The following KCTD8 variants were observed in gnomAD, a reference collection of about 807,000 sequenced individuals.
KCTD8 encodes the protein potassium channel tetramerization domain containing 8.
Under a neutral mutation model 31.5 loss-of-function variants are expected in KCTD8, and 27 were observed. The ratio of observed to expected loss-of-function variants is 0.86; its 90% CI spans 0.63 to 1.18. KCTD8 has a LOEUF of 1.18. KCTD8 is among the 50% of genes most tolerant of loss of function. KCTD8 has a pLI of 0.00. For missense variants in KCTD8, 658 were observed against 647.7 expected, an observed-to-expected ratio of 1.02 and a Z score of -0.17; for synonymous variants, 290 against 280.0, an observed-to-expected ratio of 1.04 and a Z score of -0.36.
intron 1 of KCTD8, among the ~76,000 whole-genome samples, chr4:44,226,107 C>T (rs71610096): frequency 2.0e-5 from 3 of 151,994 alleles, no homozygotes; most frequent in African/African-American, 7.2e-5. Flanking sequence ...GGATTACAGG[C>T]GTGAGCCACT....
At chr4:44,408,509 C>A (rs572439751) in intron 1 of KCTD8, among the ~76,000 whole-genome samples, 95 of 152,246 alleles carry the variant, frequency 6.2e-4, no homozygotes, top group Non-Finnish European at 1.1e-3. Context: ...AACAACATAT[C>A]AACAAATAGC....
chr4:44,290,019 G>A (rs950290912), intron 1 of KCTD8, among the ~76,000 whole-genome samples: 6 of 151,946 alleles, frequency 3.9e-5, no homozygotes, highest in Non-Finnish European at 8.8e-5. Flanking sequence ...GCATAGAGTG[G>A]GAAGTTGGAT....
intron 1 of KCTD8, among the ~76,000 whole-genome samples, chr4:44,406,175 G>A (rs183886030): frequency 1.3e-5 from 2 of 152,246 alleles, no homozygotes; most frequent in Admixed American, 6.5e-5. Context: ...AGTTTATGGT[G>A]GAAGAGGGAC....
chr4:44,269,892 C>T (rs1229431037), intron 1 of KCTD8, among the ~76,000 whole-genome samples: 1 of 152,116 alleles, frequency 6.6e-6, no homozygotes, highest in Non-Finnish European at 1.5e-5. Context: ...CAGGAAACAA[C>T]ACATGCTGGA....
At chr4:44,175,275 G>A (rs762117480) in intron 1 of KCTD8, 25 bp from the exon 2 acceptor site, 2 of 1,368,804 alleles carry the variant, frequency 1.5e-6, no homozygotes, top group South Asian at 1.4e-5. Context: ...AAAAAAAGAA[G>A]AAGAGTAGAA....
chr4:44,312,410 G>T (rs1717980500), intron 1 of KCTD8, among the ~76,000 whole-genome samples: 1 of 152,078 alleles, frequency 6.6e-6, no homozygotes, highest in Admixed American at 6.6e-5. Flanking sequence ...GTAAAATGAA[G>T]ACACGATTAA....
intron 1 of KCTD8, among the ~76,000 whole-genome samples, chr4:44,245,834 C>T (rs553779774): frequency 6.6e-6 from 1 of 151,990 alleles, no homozygotes; most frequent in East Asian, 1.9e-4. Flanking sequence ...ACTAAGATTC[C>T]TCCAGACAGA....
chr4:44,445,556 G>A (rs1008987978), intron 1 of KCTD8, among the ~76,000 whole-genome samples: 1 of 152,076 alleles, frequency 6.6e-6, no homozygotes. Context: ...TAAGTTTCCA[G>A]TTTCAATATA....
chr4:44,285,490 A>T (rs779117892), intron 1 of KCTD8, among the ~76,000 whole-genome samples: 45 of 152,074 alleles, frequency 3.0e-4, no homozygotes, highest in Non-Finnish European at 4.3e-4. Flanking sequence ...GGTGTAGGGG[A>T]GGGATAACAT....
At position 44,353,731 on chromosome 4, in the gene KCTD8, G is replaced by A. The variant is rs188623901; in HGVS notation, c.961+93832C>T. On this transcript the variant is annotated intron_variant, in intron 1 of 1. Coordinates refer to ENST00000360029, the MANE Select transcript of KCTD8 (RefSeq NM_198353.3). ...TATAATATTTGTCTTTCTGTGCCTGGCTTATATCACTTAACATTAGCATCT... is the reference window on the plus strand; with the variant it reads ...TATAATATTTGTCTTTCTGTGCCTGACTTATATCACTTAACATTAGCATCT... Among the ~76,000 whole-genome samples the A allele has an allele frequency of 1.3e-4, 20 of 151,972 alleles. No homozygotes were observed. In the East Asian group the frequency reaches 3.9e-3, roughly 29 times the overall value.
chr4:44,277,719 G>A (rs970192150), intron 1 of KCTD8, among the ~76,000 whole-genome samples: 12 of 151,690 alleles, frequency 7.9e-5, no homozygotes, highest in Non-Finnish European at 1.2e-4. Context: ...AACATTTTAC[G>A]TGCATCATTA....
At chr4:44,250,061 G>A (rs1715780920) in intron 1 of KCTD8, among the ~76,000 whole-genome samples, 1 of 151,644 alleles carries the variant, frequency 6.6e-6, no homozygotes. Context: ...CATCATTTGT[G>A]CTTTTTAAAA....
chr4:44,359,315 T>G (rs1387663703), intron 1 of KCTD8, among the ~76,000 whole-genome samples: 1 of 152,142 alleles, frequency 6.6e-6, no homozygotes, highest in Non-Finnish European at 1.5e-5. Context: ...TTCTATTAAC[T>G]GGCTTTCCCT....
chr4:44,250,053 T>C (rs922604967), intron 1 of KCTD8, among the ~76,000 whole-genome samples: 23 of 151,782 alleles, frequency 1.5e-4, no homozygotes, highest in African/African-American at 5.1e-4. Context: ...TCACTCAACA[T>C]CATTTGTGCT....
chr4:44,441,116 T>C (rs1270306015), intron 1 of KCTD8, among the ~76,000 whole-genome samples: 3 of 152,172 alleles, frequency 2.0e-5, no homozygotes, highest in African/African-American at 7.2e-5. Context: ...TCCATTATAC[T>C]TACAAATTAT....
chr4:44,253,763 T>C (rs1160571981), intron 1 of KCTD8, among the ~76,000 whole-genome samples: 1 of 151,856 alleles, frequency 6.6e-6, no homozygotes, highest in Non-Finnish European at 1.5e-5. Context: ...AATAACTATT[T>C]GGTCAAACTG....
Position 44,441,489 on chromosome 4 carries a change from C to T in KCTD8, c.961+6074G>A, listed in dbSNP as rs533052148. Among the ~76,000 whole-genome samples, 7 of 152,186 alleles carry T rather than the reference C, an allele frequency of 4.6e-5. No individual in the cohort carries two copies. The South Asian group carries it at 8.3e-4, about 18-fold the overall frequency. ...TTAAAATTTTGAGTTCACTCATATA[C>T]GTTTCAGACCACACTTTTTTGCTTA... On this transcript the variant is annotated intron_variant, in intron 1 of 1. Transcript: ENST00000360029.
At position 44,388,425 on chromosome 4, in the gene KCTD8, T is replaced by C. The variant is rs149214755; in HGVS notation, c.961+59138A>G. Among the ~76,000 whole-genome samples the C allele has an allele frequency of 9.9e-4, 150 of 152,072 alleles. 2 individuals carry two copies. In the East Asian group the frequency reaches 0.023, roughly 23 times the overall value. ...CACACGTATGTTCACTGCAGTACTA[T>C]TTACAATAGCAAAGACATGGAATCA... On this transcript the variant is annotated intron_variant, in intron 1 of 1. Coordinates refer to ENST00000360029, the MANE Select transcript of KCTD8 (RefSeq NM_198353.3).
chr4:44,337,881 T>C (rs1202384262), intron 1 of KCTD8, among the ~76,000 whole-genome samples: 2 of 151,870 alleles, frequency 1.3e-5, no homozygotes, highest in East Asian at 3.9e-4. Flanking sequence ...TTCTGCTTAA[T>C]AATGCCCTAT....
Sources: allele counts gnomAD v4.1 joint callset (sites outside exome capture counted in the v4.1 genomes callset), GRCh38; gene constraint gnomAD v4.1.1; transcripts MANE v1.5; gene names NCBI Gene and HGNC (gene_info 2026-07-23, HGNC 2026-07-21).